SH3BP2: variants seen among roughly 807,000 people sequenced by gnomAD.
The protein encoded by SH3BP2 is SH3 domain-binding protein 2.
A neutral mutation model predicts 56.2 loss-of-function variants in SH3BP2; 38 were observed. The ratio of observed to expected loss-of-function variants is 0.68; its 90% CI spans 0.52 to 0.89. The LOEUF (loss-of-function observed/expected upper bound fraction) is 0.89, where lower values mean the gene tolerates loss of function less well. Among genes scored for constraint, SH3BP2 ranks in the 40% least tolerant of loss-of-function variants. The pLI is 0.00. For missense variants in SH3BP2, 748 were observed against 762.6 expected (o/e 0.98, Z 0.23); for synonymous variants, 346 against 316.7 (o/e 1.09, Z -0.98).
At chr4:2,824,567 C>G (rs773274657) in intron 3 of SH3BP2, 46 bp from the exon 4 acceptor site, 13 of 1,426,450 alleles carry the variant, frequency 9.1e-6, no homozygotes, top group Non-Finnish European at 1.2e-5. Flanking sequence ...GAAGGCCATC[C>G]CTATAGCTGT....
At chr4:2,818,473 A>G (rs987764130) in intron 1 of SH3BP2, 2 of 787,268 alleles carry the variant, frequency 2.5e-6, no homozygotes, top group African/African-American at 1.9e-5. Flanking sequence ...GAGCCCCTGG[A>G]CCAGGGCCGC....
At position 2,831,705 on chromosome 4, in the gene SH3BP2, C is replaced by T. The variant is rs1355953490; in HGVS notation, c.1350+26C>T. ...GCAAGGCTGAGCGGCAAGCCTGGGTCCCAGTGGCCAGTAGGTGGACAGGTG... is the reference window on the plus strand; with the variant it reads ...GCAAGGCTGAGCGGCAAGCCTGGGTTCCAGTGGCCAGTAGGTGGACAGGTG... On this transcript the variant is annotated intron_variant, in intron 9 of 12. Coordinates refer to ENST00000503393, the MANE Select transcript of SH3BP2 (RefSeq NM_001122681.2). The surrounding 1 kb of genome is among the most constrained non-coding windows in gnomAD (Gnocchi z 4.1). The T allele has an allele frequency of 1.9e-6, 3 of 1,549,902 alleles. No homozygotes were observed. The highest frequency in any genetic ancestry group is 1.2e-5 in the South Asian group (1 of 86,156).
chr4:2,833,608 G>C, intron 12 of SH3BP2, 89 bp from the exon 13 acceptor site: 1 of 1,523,578 alleles, frequency 6.6e-7, no homozygotes, highest in Non-Finnish European at 8.9e-7. Flanking sequence ...TGTTGATGCT[G>C]CTGCCTTGTT....
In SH3BP2 at chr4:2,827,308, G is replaced by A. The variant is rs760290238; in HGVS notation, c.507G>A (p.Thr169=). 14 of 1,613,860 alleles carry A rather than the reference G, an allele frequency of 8.7e-6. No individual in the cohort carries two copies. Among genetic ancestry groups the A allele is most frequent in the East Asian group, 2.2e-5 (1 of 44,896 alleles). Residue 169 remains threonine (T), a synonymous_variant, in exon 6 of 13, where the codon ACG becomes ACA. Coordinates refer to ENST00000503393, the MANE Select transcript of SH3BP2 (RefSeq NM_001122681.2). ...PVDISLSPYP[T]DNEDYEHDDE... ...ATATCAGCCTTTCCCCGTACCCCAC[G>A]GACAATGAAGGTGAGGTCTTTCTCC... is the stretch of plus-strand genomic sequence containing the variant.
rs761766374 is a variant in SH3BP2, at chr4:2,833,740, T to C, written c.1592T>C (p.Val531Ala). ...YLEGEVLFVS[V>A]GSMVEHYHTH... is the part of the protein sequence containing the mutation. ...GAGGGCGAGGTCCTGTTTGTGAGTG[T>C]GGGCAGCATGGTGGAGCACTACCAC... The change falls in exon 13 of 13, where the codon GTG (valine) becomes GCG (alanine). Residue 531 changes from valine to alanine, a missense_variant. Physicochemically the swap from Val to Ala is moderately conservative, Grantham distance 64. Coordinates refer to ENST00000503393, the MANE Select transcript of SH3BP2 (RefSeq NM_001122681.2). 1.9e-6 allele frequency: 3 copies of C among 1,608,452 alleles called. No individual in the cohort carries two copies. Among genetic ancestry groups the C allele is most frequent in the Non-Finnish European group, 2.5e-6 (3 of 1,177,544 alleles).
chr4:2,807,110 A>G (rs1723566142), intron 1 of SH3BP2, among the ~76,000 whole-genome samples: 1 of 152,208 alleles, frequency 6.6e-6, no homozygotes, highest in South Asian at 2.1e-4. Flanking sequence ...TGCTGTCTCC[A>G]GTGCACCAGC....
chr4:2,810,439 G>A lies in SH3BP2; in HGVS notation c.-4-10175G>A, dbSNP rs1428250916. On this transcript the variant is annotated intron_variant, in intron 1 of 12. Coordinates refer to ENST00000503393, the MANE Select transcript of SH3BP2 (RefSeq NM_001122681.2). The surrounding 1 kb of genome is among the most constrained non-coding windows in gnomAD (Gnocchi z 4.2). ...CTATGAGTGTGGGGCTTTTGGCGGA[G>A]CAAGGGCAGGGGCGAGCCTGGCTCC... 6.6e-6 allele frequency among the ~76,000 whole-genome samples: 1 copy of A among 151,714 alleles called. No individual in the cohort carries two copies. The highest frequency in any genetic ancestry group is 1.5e-5 in the Non-Finnish European group (1 of 67,936).
chr4:2,831,433 G>C lies in SH3BP2; in HGVS notation c.1242-138G>C. ...GCCCTACCCGGATCTCTGTTGTCCT[G>C]AGCTTTTTAGGGTCACAGGGGCCAT... On this transcript the variant is annotated intron_variant, in intron 8 of 12. Transcript: ENST00000503393. This position sits in a 1 kb window ranked among gnomAD's most constrained non-coding sequence, Gnocchi z 4.1. 1.4e-6 allele frequency: 1 copy of C among 722,144 alleles called. No individual in the cohort carries two copies. The highest frequency in any genetic ancestry group is 2.5e-6 in the Non-Finnish European group (1 of 397,584). 44.7% of individuals were successfully genotyped at this position (722,144 alleles called of 1,614,324 possible).
intron 8 of SH3BP2, among the ~76,000 whole-genome samples, chr4:2,830,623 A>G (rs974165243): frequency 2.0e-5 from 3 of 152,194 alleles, no homozygotes; most frequent in Non-Finnish European, 4.4e-5. Flanking sequence ...TCGGCCTCTC[A>G]AAGTGTAGAG....
Position 2,829,539 on chromosome 4 carries a change from G to C in SH3BP2, c.633G>C (p.Thr211=), listed in dbSNP as rs201465814. ...CTTACCCACCACCCCCAGTGCCCAC[G>C]CCCAGGAAGCCAGCCTTCTCTGACA... The part of the protein sequence containing the change: ...PPAYPPPPVP[T]PRKPAFSDMP... Residue 211 remains threonine (T), a synonymous_variant, in exon 8 of 13, where the codon ACG becomes ACC. Transcript: ENST00000503393. The surrounding 1 kb of genome is among the most constrained non-coding windows in gnomAD (Gnocchi z 4.9). The C allele has an allele frequency of 5.0e-6, 8 of 1,613,162 alleles. No homozygotes were observed. The highest frequency in any genetic ancestry group is 6.8e-6 in the Non-Finnish European group (8 of 1,179,908).
chr4:2,830,251 C>T, intron 8 of SH3BP2, 104 bp downstream of exon 8: 3 of 1,139,662 alleles, frequency 2.6e-6, no homozygotes, highest in South Asian at 3.1e-5. Context: ...ACTCTTAGCC[C>T]ACGACGGGGT....
Position 2,823,038 on chromosome 4 carries a change from G to T in SH3BP2, c.239+1G>T. 6.2e-7 allele frequency: 1 copy of T among 1,610,406 alleles called. No homozygotes were observed. The highest frequency in any genetic ancestry group is 8.5e-7 in the Non-Finnish European group (1 of 1,177,058). ...CCTTCTCCCTGAGTGGCTATAACCGGTAAGTGCCCGACCTGCCTGCTGACC... is the reference window on the plus strand; with the variant it reads ...CCTTCTCCCTGAGTGGCTATAACCGTTAAGTGCCCGACCTGCCTGCTGACC... On this transcript the variant is annotated splice_donor_variant, in intron 3 of 12. Coordinates refer to ENST00000503393, the MANE Select transcript of SH3BP2 (RefSeq NM_001122681.2). LOFTEE classifies it high-confidence loss of function.
chr4:2,833,622 C>T, intron 12 of SH3BP2, 75 bp from the exon 13 acceptor site: 4 of 1,548,284 alleles, frequency 2.6e-6, no homozygotes, highest in South Asian at 1.2e-5. Context: ...CCTTGTTTTA[C>T]AGACGGGGAG....
Position 2,833,878 on chromosome 4 carries a change from C to A in SH3BP2, c.*44C>A, listed in dbSNP as rs767056655. On this transcript the variant is annotated 3_prime_UTR_variant, in exon 13 of 13. Transcript: ENST00000503393. The stretch of plus-strand genomic sequence containing the variant: ...CCAGGCCAAGGCAGTCACAGGGGCC[C>A]TGACCCCAGGCCACACAGACGGACA... 7.2e-6 allele frequency: 11 copies of A among 1,529,560 alleles called. No homozygotes were observed. In the Admixed American group the frequency reaches 2.0e-4, roughly 27 times the overall value. 94.7% of individuals were successfully genotyped at this position (1,529,560 alleles called of 1,614,324 possible).
Position 2,831,524 on chromosome 4 carries a change from G to C in SH3BP2, c.1242-47G>C. 6.9e-7 allele frequency: 1 copy of C among 1,446,434 alleles called. No individual in the cohort carries two copies. Among genetic ancestry groups the C allele is most frequent in the Non-Finnish European group, 9.5e-7 (1 of 1,051,288 alleles). The allele number at this position is 1,446,434 out of a possible 1,614,324, so 89.6% of individuals were successfully genotyped here. A position where few individuals can be genotyped will look rare whatever the true frequency, so the allele number is the denominator to read the frequency against. Reference sequence around the variant, plus strand: ...GAGGGGAGCAGAGGGTGGCCGCCCCGTGTCTGACAGTGAAATGGTCCTGCC... The same window carrying C: ...GAGGGGAGCAGAGGGTGGCCGCCCCCTGTCTGACAGTGAAATGGTCCTGCC... On this transcript the variant is annotated intron_variant, in intron 8 of 12. Transcript: ENST00000503393. This position sits in a 1 kb window ranked among gnomAD's most constrained non-coding sequence, Gnocchi z 4.1.
Position 2,838,331 on chromosome 4 carries a change from CA to C in SH3BP2, c.*4499del, listed in dbSNP as rs1342962320. The C allele has an allele frequency of 6.6e-6, 1 of 152,210 alleles. No homozygotes were observed. The allele number at this position is 152,210 out of a possible 1,614,324, so 9.4% of individuals were successfully genotyped here. A position where few individuals can be genotyped will look rare whatever the true frequency, so the allele number is the denominator to read the frequency against. On this transcript the variant is annotated 3_prime_UTR_variant, in exon 13 of 13. Coordinates refer to ENST00000503393, the MANE Select transcript of SH3BP2 (RefSeq NM_001122681.2). The stretch of plus-strand genomic sequence containing the variant: ...GTTTTTCTAAAAAGTCTTCAGCACC[CA>C]ATTATGCAGGCATTGCAGTATTTTC...
chr4:2,823,213 G>T (rs891537679), intron 3 of SH3BP2, among the ~76,000 whole-genome samples, 176 bp downstream of exon 3: 1 of 152,172 alleles, frequency 6.6e-6, no homozygotes, highest in Non-Finnish European at 1.5e-5. Flanking sequence ...CGCCCTCTCC[G>T]CGTGTCCTGC....
At chr4:2,822,680 T>G (rs1206911364) in intron 2 of SH3BP2, among the ~76,000 whole-genome samples, 1 of 152,220 alleles carries the variant, frequency 6.6e-6, no homozygotes, top group Non-Finnish European at 1.5e-5. Flanking sequence ...AATCTACCTC[T>G]TCTTTGTGGG....
At chr4:2,818,410 C>T in intron 1 of SH3BP2, 3 of 1,158,650 alleles carry the variant, frequency 2.6e-6, no homozygotes, top group Non-Finnish European at 2.1e-6. Context: ...GAGCCCCGGC[C>T]CCCGAGCCCC....
Sources: allele counts gnomAD v4.1 joint callset (sites outside exome capture counted in the v4.1 genomes callset), GRCh38; gene constraint gnomAD v4.1.1; non-coding constraint Gnocchi (gnomAD v3.1); transcripts MANE v1.5; gene names NCBI Gene and HGNC (gene_info 2026-07-23, HGNC 2026-07-21).